The following ZBTB5 variants were observed in gnomAD, a reference collection of about 807,000 sequenced individuals.
ZBTB5 encodes zinc finger and BTB domain containing 5, also known as zinc finger and BTB domain-containing protein 5.
ZBTB5 carries 15 observed loss-of-function variants against 37.9 expected under a neutral mutation model. The ratio of observed to expected loss-of-function variants is 0.40; its 90% CI spans 0.26 to 0.61. The LOEUF is 0.61. Among genes scored for constraint, ZBTB5 ranks in the 20% least tolerant of loss-of-function variants. ZBTB5 has a pLI of 0.47. For missense variants in ZBTB5, 708 were observed against 856.8 expected, an observed-to-expected ratio of 0.83 and a Z score of 2.17; for synonymous variants, 315 against 312.4, an observed-to-expected ratio of 1.01 and a Z score of -0.09.
At position 37,441,773 on chromosome 9, in the gene ZBTB5, A is replaced by G. The variant is rs746431519; in HGVS notation, c.779T>C (p.Phe260Ser). The change falls in exon 2 of 2, where the codon TTT becomes TCT. Residue 260 changes from phenylalanine (F) to serine (S), a missense_variant. Physicochemically the swap from Phe to Ser is radical, Grantham distance 155 (BLOSUM62 -2). Around this residue, in one of 3 missense-constraint regions of ZBTB5, gnomAD observed 639 missense variants for 690.5 expected, o/e 0.93. Transcript: ENST00000307750. ...TDNQEDSAIM[F>S]DQSFGTQEDA... ...TTCTTGAGTGCCAAAAGACTGATCA[A>G]ACATGATCGCACTATCTTCCTGGTT... The G allele has an allele frequency of 1.2e-6, 2 of 1,614,058 alleles. No homozygotes were observed. The highest frequency in any genetic ancestry group is 1.7e-6 in the Non-Finnish European group (2 of 1,180,002).
intron 1 of ZBTB5, among the ~76,000 whole-genome samples, chr9:37,464,462 T>C (rs112468044): frequency 2.0e-5 from 3 of 152,226 alleles, no homozygotes; most frequent in African/African-American, 7.2e-5. Context: ...TTCAGAAAAT[T>C]AGTTTCCACA....
In ZBTB5 at chr9:37,441,342, T is replaced by C. The variant is rs1823871054; in HGVS notation, c.1210A>G (p.Lys404Glu). The C allele has an allele frequency of 6.2e-7, 1 of 1,614,164 alleles. No homozygotes were observed. Among genetic ancestry groups the C allele is most frequent in the Non-Finnish European group, 8.5e-7 (1 of 1,180,038 alleles). ...ILEVTNNLEH[K>E]STFSISNFLN... ...AAATTCGAAATACTAAAAGTGGACT[T>C]ATGCTCTAGGTTATTTGTGACTTCC... The change falls in exon 2 of 2, where the codon AAG becomes GAG. Residue 404 changes from lysine to glutamate, a missense_variant. Coordinates refer to ENST00000307750, the MANE Select transcript of ZBTB5 (RefSeq NM_014872.3).
At position 37,441,524 on chromosome 9, in the gene ZBTB5, A is replaced by T. The variant is rs1239607733; in HGVS notation, c.1028T>A (p.Val343Glu). Residue 343 changes from valine to glutamate, a missense_variant, in exon 2 of 2, where the codon GTG becomes GAG. This residue lies in a region of ZBTB5 where 639 missense variants were observed against 690.5 expected (regional missense o/e 0.93). Transcript: ENST00000307750. ...PLSSPEPQDE[V>E]SDVTSQAEGS... The stretch of plus-strand genomic sequence containing the variant: ...TTCTGCTTGTGAGGTCACATCGCTC[A>T]CTTCATCCTGAGGCTCAGGTGAGCT... The T allele has an allele frequency of 6.2e-7, 1 of 1,612,894 alleles. No individual in the cohort carries two copies. Among genetic ancestry groups the T allele is most frequent in the Non-Finnish European group, 8.5e-7 (1 of 1,179,848 alleles).
chr9:37,451,820 T>TGACAAC (rs1824110154), intron 1 of ZBTB5, among the ~76,000 whole-genome samples: 1 of 152,130 alleles, frequency 6.6e-6, no homozygotes. Context: ...AGTTGTCCTC[T>TGACAAC]TATGCTGAGT....
chr9:37,446,581 A>G (rs1393016126), intron 1 of ZBTB5, among the ~76,000 whole-genome samples: 1 of 152,200 alleles, frequency 6.6e-6, no homozygotes, highest in African/African-American at 2.4e-5. Flanking sequence ...GTTCTTTGCT[A>G]TCATGTATGA....
In ZBTB5 at chr9:37,441,748, T is replaced by G. The variant is rs1823881742; in HGVS notation, c.804A>C (p.Glu268Asp). The G allele has an allele frequency of 6.2e-7, 1 of 1,614,038 alleles. No individual in the cohort carries two copies. The highest frequency in any genetic ancestry group is 2.2e-5 in the East Asian group (1 of 44,874). ...IMFDQSFGTQ[E>D]DAQVPSQSDN... ...CAGACTGGCTGGGCACCTGGGCATCTTCTTGAGTGCCAAAAGACTGATCAA... is the reference window on the plus strand; with the variant it reads ...CAGACTGGCTGGGCACCTGGGCATCGTCTTGAGTGCCAAAAGACTGATCAA... The change falls in exon 2 of 2, where the codon GAA becomes GAC. Residue 268 changes from glutamate (E) to aspartate (D), a missense_variant. Transcript: ENST00000307750.
In ZBTB5 at chr9:37,465,355, C is replaced by G. The variant is rs997780520; in HGVS notation, c.-145G>C. 3.3e-5 allele frequency: 5 copies of G among 151,724 alleles called. No individual in the cohort carries two copies. The East Asian group carries it at 7.8e-4, about 24-fold the overall frequency. 9.4% of individuals were successfully genotyped at this position (151,724 alleles called of 1,614,324 possible). On this transcript the variant is annotated 5_prime_UTR_variant, in exon 1 of 2. Transcript: ENST00000307750. The stretch of plus-strand genomic sequence containing the variant: ...ACTTCCTCCCCCTTCCACCCGCCCC[C>G]CTCCCACCCCGCCTCTAGTCCCCTA...
chr9:37,440,535 G>A lies in ZBTB5; in HGVS notation c.2017C>T (p.Pro673Ser), dbSNP rs1053457529. 3.7e-5 allele frequency: 60 copies of A among 1,614,204 alleles called. No individual in the cohort carries two copies. The highest frequency in any genetic ancestry group is 4.9e-5 in the Non-Finnish European group (58 of 1,180,012). The part of the protein sequence containing the change: ...TCLRWQSSNL[P>S]STLL ...ACAAACAGCTAGAGCAAAGTGCTGGGAAGATTGCTGCTCTGCCAGCGCAGG... is the reference window on the plus strand; with the variant it reads ...ACAAACAGCTAGAGCAAAGTGCTGGAAAGATTGCTGCTCTGCCAGCGCAGG... Residue 673 changes from proline (P) to serine (S), a missense_variant, in exon 2 of 2, where the codon CCC becomes TCC. By Grantham distance (74) the Pro-to-Ser change is moderately conservative. Transcript: ENST00000307750.
intron 1 of ZBTB5, among the ~76,000 whole-genome samples, chr9:37,460,424 G>C (rs1443628735): frequency 6.6e-6 from 1 of 151,672 alleles, no homozygotes; most frequent in African/African-American, 2.4e-5. Flanking sequence ...TGGGCAATAA[G>C]AGTGAACACT....
Position 37,441,743 on chromosome 9 carries a change from G to A in ZBTB5, c.809C>T (p.Ala270Val). The change falls in exon 2 of 2, where the codon GCC becomes GTC. Residue 270 changes from alanine (A) to valine (V), a missense_variant. Ala to Val is a moderately conservative substitution (Grantham distance 64). Transcript: ENST00000307750. ...GTTATCAGACTGGCTGGGCACCTGG[G>A]CATCTTCTTGAGTGCCAAAAGACTG... Reference protein sequence around the residue: ...FDQSFGTQEDAQVPSQSDNSA... With the variant: ...FDQSFGTQEDVQVPSQSDNSA... 1 of 1,613,940 alleles carries A rather than the reference G, an allele frequency of 6.2e-7. No individual in the cohort carries two copies. Among genetic ancestry groups the A allele is most frequent in the Non-Finnish European group, 8.5e-7 (1 of 1,179,986 alleles).
At chr9:37,455,735 A>G (rs1421715822) in intron 1 of ZBTB5, among the ~76,000 whole-genome samples, 1 of 152,246 alleles carries the variant, frequency 6.6e-6, no homozygotes, top group Non-Finnish European at 1.5e-5. Context: ...TTTCATCAGC[A>G]GAAAAATAAC....
chr9:37,441,897 G>GT lies in ZBTB5; in HGVS notation c.654dup (p.Pro219ThrfsTer25). ...TGAACCCCTGAAGGCCCATTCTCCG[G>GT]TGTAACATCTGAAATGGCAGACTCA... On this transcript the variant is annotated frameshift_variant, in exon 2 of 2. Transcript: ENST00000307750. LOFTEE classifies it high-confidence loss of function. The GT allele has an allele frequency of 6.2e-7, 1 of 1,614,164 alleles. No individual in the cohort carries two copies. The highest frequency in any genetic ancestry group is 2.2e-5 in the East Asian group (1 of 44,868).
At chr9:37,455,271 G>A (rs1411446705) in intron 1 of ZBTB5, among the ~76,000 whole-genome samples, 3 of 152,136 alleles carry the variant, frequency 2.0e-5, no homozygotes, top group Non-Finnish European at 4.4e-5. Flanking sequence ...GATGGTCAGA[G>A]AGATCGGCCA....
At chr9:37,463,884 C>A (rs1205579124) in intron 1 of ZBTB5, among the ~76,000 whole-genome samples, 1 of 152,144 alleles carries the variant, frequency 6.6e-6, no homozygotes, top group Non-Finnish European at 1.5e-5. Context: ...TTCAGCAAAA[C>A]CCAAGGGCCC....
chr9:37,449,050 ATAAAT>A (rs986726050), intron 1 of ZBTB5, among the ~76,000 whole-genome samples: 1 of 152,084 alleles, frequency 6.6e-6, no homozygotes, highest in Admixed American at 6.6e-5. Flanking sequence ...TTCAAAATAA[ATAAAT>A]AAATAATAAA....
intron 1 of ZBTB5, among the ~76,000 whole-genome samples, chr9:37,448,618 A>G: frequency 6.6e-6 from 1 of 152,262 alleles, no homozygotes; most frequent in Non-Finnish European, 1.5e-5. Flanking sequence ...AACATCTTCA[A>G]TTAGCAATTT....
At chr9:37,446,302 G>A (rs1445542414) in intron 1 of ZBTB5, among the ~76,000 whole-genome samples, 2 of 152,106 alleles carry the variant, frequency 1.3e-5, no homozygotes, top group African/African-American at 2.4e-5. Context: ...TTGCTCTGAT[G>A]TCCCAGCCAT....
rs1433412298 is a variant in ZBTB5, at chr9:37,438,809, T to C, written c.*1709A>G. 1 of 152,210 alleles carries C rather than the reference T, an allele frequency of 6.6e-6. No individual in the cohort carries two copies. Among genetic ancestry groups the C allele is most frequent in the East Asian group, 1.9e-4 (1 of 5,190 alleles). The allele number at this position is 152,210 out of a possible 1,614,324, so 9.4% of individuals were successfully genotyped here. ...CACAACTGAATTTCACAGGACCTCA[T>C]ATCCTCCAATGGGCTCTTTCCCACA... On this transcript the variant is annotated 3_prime_UTR_variant, in exon 2 of 2. Coordinates refer to ENST00000307750, the MANE Select transcript of ZBTB5 (RefSeq NM_014872.3).
Position 37,439,689 on chromosome 9 carries a change from C to G in ZBTB5, c.*829G>C, listed in dbSNP as rs1822313468. ...CCCACAAAACATGACTCCACATCAG[C>G]AGAACAAAGACAAACACAAGTCTTT... On this transcript the variant is annotated 3_prime_UTR_variant, in exon 2 of 2. Coordinates refer to ENST00000307750, the MANE Select transcript of ZBTB5 (RefSeq NM_014872.3). The G allele has an allele frequency of 6.6e-6, 1 of 152,178 alleles. No individual in the cohort carries two copies. The highest frequency in any genetic ancestry group is 1.5e-5 in the Non-Finnish European group (1 of 68,042). The allele number at this position is 152,178 out of a possible 1,614,324, so 9.4% of individuals were successfully genotyped here.
Sources: gnomAD v4.1 joint callset for allele counts (sites outside exome capture counted in the v4.1 genomes callset) on GRCh38, gnomAD v4.1.1 for gene constraint, gnomAD v4.1.1 regional missense constraint, MANE v1.5 for transcripts, NCBI Gene and HGNC (gene_info 2026-07-23, HGNC 2026-07-21) for gene names.